The following SLC2A9 variants were observed in gnomAD, a reference collection of about 807,000 sequenced individuals.
SLC2A9 encodes the protein solute carrier family 2, facilitated glucose transporter member 9.
Under a neutral mutation model 50.6 loss-of-function variants are expected in SLC2A9, and 39 were observed. The ratio of observed to expected loss-of-function variants is 0.77; its 90% CI spans 0.60 to 1.01. The LOEUF (loss-of-function observed/expected upper bound fraction) is 1.01. SLC2A9 is among the 50% of genes least tolerant of loss of function. SLC2A9 has a pLI of 0.00. For missense variants in SLC2A9, 686 were observed against 677.6 expected (o/e 1.01, Z -0.14); for synonymous variants, 324 against 276.9 (o/e 1.17, Z -1.69).
At chr4:9,989,312 C>T (rs1757282655) in intron 3 of SLC2A9, among the ~76,000 whole-genome samples, 1 of 152,174 alleles carries the variant, frequency 6.6e-6, no homozygotes, top group Admixed American at 6.5e-5. Context: ...AAATTCATGA[C>T]CACCAACCTC....
Position 9,896,427 on chromosome 4 carries a change from T to C in SLC2A9, c.1114-5716A>G, listed in dbSNP as rs75985854. ...TTCTTTGGTAAAGCATGTGTTCATA[T>C]ATTTTGCTCATTTTCAAGTGGGCAG... On this transcript the variant is annotated intron_variant, in intron 8 of 11. Coordinates refer to ENST00000264784, the MANE Select transcript of SLC2A9 (RefSeq NM_020041.3). 5.5e-3 allele frequency among the ~76,000 whole-genome samples: 835 copies of C among 152,358 alleles called. 5 individuals are homozygous for C. The highest frequency in any genetic ancestry group is 0.019 in the African/African-American group (796 of 41,580).
At chr4:9,977,352 C>G (rs1156778452) in intron 5 of SLC2A9, among the ~76,000 whole-genome samples, 11 of 152,170 alleles carry the variant, frequency 7.2e-5, no homozygotes, top group African/African-American at 2.7e-4. Context: ...TGTAATGTCT[C>G]TTGAAAATCA....
chr4:9,879,871 T>C (rs1734917439), intron 10 of SLC2A9: 2 of 985,358 alleles, frequency 2.0e-6, no homozygotes, highest in African/African-American at 1.7e-5. Context: ...CTTGGGGTTA[T>C]GCACACAAAT....
chr4:9,924,979 T>G (rs1744632019), intron 6 of SLC2A9, among the ~76,000 whole-genome samples: 1 of 152,210 alleles, frequency 6.6e-6, no homozygotes, highest in South Asian at 2.1e-4. Flanking sequence ...GCCACTCTTC[T>G]GCACACAAAT....
At chr4:9,852,710 G>A (rs1730162868) in intron 10 of SLC2A9, among the ~76,000 whole-genome samples, 1 of 152,222 alleles carries the variant, frequency 6.6e-6, no homozygotes, top group Non-Finnish European at 1.5e-5. Context: ...TGAAGGGAGT[G>A]CTAAATTTGG....
intron 10 of SLC2A9, chr4:9,879,641 C>T: frequency 6.1e-6 from 6 of 985,358 alleles, no homozygotes; most frequent in Non-Finnish European, 7.2e-6. Flanking sequence ...TAATTCGCAC[C>T]TTGATAATGG....
chr4:9,970,907 T>C (rs1753801928), intron 5 of SLC2A9, among the ~76,000 whole-genome samples: 1 of 152,170 alleles, frequency 6.6e-6, no homozygotes, highest in African/African-American at 2.4e-5. Flanking sequence ...ATCTATAGAT[T>C]CCAGACATTA....
chr4:9,809,657 A>T (rs756578356), intron 3 of SLC2A9, among the ~76,000 whole-genome samples: 1 of 152,200 alleles, frequency 6.6e-6, no homozygotes, highest in African/African-American at 2.4e-5. Context: ...ACCTCAGTGA[A>T]TCCAGTTTCC....
rs1364231318 is a variant in SLC2A9 at position 9,958,659 on chromosome 4, C to CA, written c.682-16615dup. ...GTACAATAATAATTTAAAAACAAAA[C>CA]AAAAAACAAGAAGAGGAGGACATAG... On this transcript the variant is annotated intron_variant, in intron 5 of 11. Transcript: ENST00000264784. Among the ~76,000 whole-genome samples the CA allele has an allele frequency of 2.6e-5, 4 of 151,984 alleles. No homozygotes were observed. The East Asian group carries it at 5.8e-4, about 22-fold the overall frequency.
At position 9,887,626 on chromosome 4, in the gene SLC2A9, A is replaced by G. The variant is rs1479800184; in HGVS notation, c.1232T>C (p.Val411Ala). The change falls in exon 10 of 12, where the codon GTC becomes GCC. Residue 411 changes from valine to alanine, a missense_variant. Coordinates refer to ENST00000264784, the MANE Select transcript of SLC2A9 (RefSeq NM_020041.3). ...AATGCCCACGATACTCAGGTAGGGG[A>G]CCCAGGGGGCGTGGTCCTGGGAGAG... ...TLTLQDHAPW[V>A]PYLSIVGILA... is the part of the protein sequence containing the mutation. 1.9e-6 allele frequency: 3 copies of G among 1,555,628 alleles called. No individual in the cohort carries two copies. The highest frequency in any genetic ancestry group is 2.6e-6 in the Non-Finnish European group (3 of 1,149,064).
rs1311853392 is a variant in SLC2A9, at chr4:9,782,088, A to C, written n.386-2023T>G. The C allele has an allele frequency of 6.6e-7, 1 of 1,523,882 alleles. No homozygotes were observed. Among genetic ancestry groups the C allele is most frequent in the South Asian group, 1.3e-5 (1 of 76,988 alleles). The allele number at this position is 1,523,882 out of a possible 1,614,324, so 94.4% of individuals were successfully genotyped here. A position where few individuals can be genotyped will look rare whatever the true frequency, so the allele number is the denominator to read the frequency against. ...CCGGGGCAGTTCGCTCTATACCAGCAGCTGGCGCAGGGGAACGCCGTGGGG... is the reference window on the plus strand; with the variant it reads ...CCGGGGCAGTTCGCTCTATACCAGCCGCTGGCGCAGGGGAACGCCGTGGGG... On this transcript the variant is annotated intron_variant and non_coding_transcript_variant, in intron 3 of 3. Coordinates refer to the SLC2A9 transcript ENST00000503803.
At chr4:9,898,017 G>A (rs1738882182) in intron 8 of SLC2A9, among the ~76,000 whole-genome samples, 1 of 152,216 alleles carries the variant, frequency 6.6e-6, no homozygotes, top group Non-Finnish European at 1.5e-5. Context: ...TAAGTTCCTG[G>A]AAGCTGGGAG....
At chr4:9,849,839 A>G (rs1442070699) in intron 10 of SLC2A9, among the ~76,000 whole-genome samples, 2 of 152,124 alleles carry the variant, frequency 1.3e-5, no homozygotes, top group Admixed American at 6.5e-5. Context: ...TTCTGTTTCA[A>G]TAGAGACGGA....
At chr4:9,977,999 T>C (rs2109063130) in intron 5 of SLC2A9, among the ~76,000 whole-genome samples, 1 of 152,302 alleles carries the variant, frequency 6.6e-6, no homozygotes, top group East Asian at 1.9e-4. Flanking sequence ...CGGGACAAGA[T>C]GCGGAAGCAA....
At chr4:9,834,822 C>G (rs1162267413) in intron 11 of SLC2A9, 59 bp downstream of exon 11, 2 of 1,612,476 alleles carry the variant, frequency 1.2e-6, no homozygotes, top group South Asian at 1.1e-5. Context: ...TGAATCACCC[C>G]TCAAGTGCTG....
chr4:9,945,294 G>C (rs1292782373), intron 5 of SLC2A9, among the ~76,000 whole-genome samples: 1 of 152,242 alleles, frequency 6.6e-6, no homozygotes, highest in Non-Finnish European at 1.5e-5. Flanking sequence ...AATGGGGACA[G>C]TGACAACACG....
chr4:9,937,083 G>C (rs868846753), intron 6 of SLC2A9, among the ~76,000 whole-genome samples: 6 of 152,260 alleles, frequency 3.9e-5, no homozygotes, highest in Middle Eastern at 3.4e-3. Context: ...AATCTCAAAG[G>C]TTGCACGGGA....
At chr4:9,959,347 G>C (rs1751854045) in intron 5 of SLC2A9, among the ~76,000 whole-genome samples, 2 of 150,622 alleles carry the variant, frequency 1.3e-5, no homozygotes, top group Admixed American at 6.6e-5. Context: ...AGCTGAGATT[G>C]TGCCACTGCA....
intron 3 of SLC2A9, chr4:9,782,039 C>A: frequency 1.4e-6 from 2 of 1,470,076 alleles, no homozygotes; most frequent in Non-Finnish European, 9.0e-7. Flanking sequence ...AATGCTGCCG[C>A]CAGGCAGCAA....
Sources: allele counts gnomAD v4.1 joint callset (sites outside exome capture counted in the v4.1 genomes callset), GRCh38; gene constraint gnomAD v4.1.1; transcripts MANE v1.5; gene names NCBI Gene and HGNC (gene_info 2026-07-23, HGNC 2026-07-21).